IL1RAPL1: variants seen among roughly 807,000 people sequenced by gnomAD.
The protein encoded by IL1RAPL1 is interleukin-1 receptor accessory protein-like 1.
In IL1RAPL1, 3 loss-of-function variants were observed where a neutral mutation model predicts 48.4. That is an observed-to-expected ratio of 0.06 (90% CI 0.03 to 0.16). The LOEUF is 0.16. Among genes scored for constraint, IL1RAPL1 ranks in the 10% least tolerant of loss-of-function variants. The pLI, the probability that IL1RAPL1 is intolerant of heterozygous loss-of-function variation, is 1.00. For synonymous variants in IL1RAPL1, 185 were observed against 187.7 expected, an observed-to-expected ratio of 0.99 and a Z score of 0.12; for missense variants, 349 against 530.6, an observed-to-expected ratio of 0.66 and a Z score of 3.36.
intron 1 of IL1RAPL1, among the ~76,000 whole-genome samples, chrX:28,720,469 T>A (rs2146939449): frequency 8.9e-6 from 1 of 112,327 alleles, no homozygotes; most frequent in South Asian, 3.7e-4. Context: ...CATGGTATTT[T>A]TCCCTCTACT....
At chrX:28,611,360 T>C (rs1934145296) in intron 1 of IL1RAPL1, among the ~76,000 whole-genome samples, 1 of 111,278 alleles carries the variant, frequency 9.0e-6, no homozygotes, top group Non-Finnish European at 1.9e-5. Context: ...GTTTGTTAGG[T>C]GCTGGAGGTA....
chrX:29,329,285 A>G (rs1400134646), intron 3 of IL1RAPL1, among the ~76,000 whole-genome samples: 4 of 111,666 alleles, frequency 3.6e-5, no homozygotes, highest in African/African-American at 1.3e-4. Flanking sequence ...AATAGTTCAT[A>G]TACTTACAAA....
At chrX:28,886,819 C>T (rs915466670) in intron 2 of IL1RAPL1, among the ~76,000 whole-genome samples, 1 of 110,419 alleles carries the variant, frequency 9.1e-6, no homozygotes, top group Non-Finnish European at 1.9e-5. Context: ...ACTTCAGTCT[C>T]CACATAAATG....
intron 6 of IL1RAPL1, among the ~76,000 whole-genome samples, chrX:29,770,506 C>G (rs773674919): frequency 9.8e-5 from 11 of 111,957 alleles, no homozygotes; most frequent in Non-Finnish European, 1.7e-4. Flanking sequence ...GTGCCAGACA[C>G]AATCATAAGC....
chrX:29,498,663 C>T (rs1935240713), intron 5 of IL1RAPL1, among the ~76,000 whole-genome samples: 2 of 110,867 alleles, frequency 1.8e-5, no homozygotes, highest in East Asian at 2.8e-4. Context: ...TAGGTGCACA[C>T]AAATATTGAA....
rs910677580 is a variant in IL1RAPL1 at position 29,338,639 on chromosome X, C to T, written c.362+55422C>T. ...CATTGTCCTCAGATAAAGTTGAATC[C>T]GGGAGCTCAGTTGATATTATTAGTA... On this transcript the variant is annotated intron_variant, in intron 3 of 10. Coordinates refer to ENST00000378993, the MANE Select transcript of IL1RAPL1 (RefSeq NM_014271.4). Among the ~76,000 whole-genome samples, 10 of 111,200 alleles carry T rather than the reference C, an allele frequency of 9.0e-5. No homozygotes were observed. The East Asian group carries it at 1.1e-3, about 13-fold the overall frequency.
chrX:29,793,454 G>A (rs1929677472), intron 6 of IL1RAPL1, among the ~76,000 whole-genome samples: 1 of 111,925 alleles, frequency 8.9e-6, no homozygotes, highest in Non-Finnish European at 1.9e-5. Context: ...TGGCTATTCT[G>A]TTTTTTAAGT....
At chrX:28,949,930 G>A (rs1232101236) in intron 2 of IL1RAPL1, among the ~76,000 whole-genome samples, 1 of 110,268 alleles carries the variant, frequency 9.1e-6, no homozygotes, top group African/African-American at 3.3e-5. Context: ...CTGTGCAGAA[G>A]CTCTTTAGTT....
chrX:29,942,769 G>A (rs1022067400), intron 9 of IL1RAPL1, among the ~76,000 whole-genome samples: 6 of 109,604 alleles, frequency 5.5e-5, no homozygotes, highest in South Asian at 8.0e-4. Flanking sequence ...ACAGGCGCCC[G>A]TCATCACACC....
intron 3 of IL1RAPL1, among the ~76,000 whole-genome samples, chrX:29,309,706 GGGA>G (rs2147617526): frequency 9.1e-6 from 1 of 109,785 alleles, no homozygotes. Context: ...CCGGCCACTC[GGGA>G]GGCTTAGGCA....
chrX:29,470,636 T>A (rs900560109), intron 5 of IL1RAPL1, among the ~76,000 whole-genome samples: 1 of 111,372 alleles, frequency 9.0e-6, no homozygotes, highest in African/African-American at 3.3e-5. Context: ...AAGTTTATTT[T>A]ATTTAATTTA....
rs1923673314 is a variant in IL1RAPL1, at chrX:28,923,834, T to C, written c.82+134409T>C. On this transcript the variant is annotated intron_variant, in intron 2 of 10. Transcript: ENST00000378993. ...TAATATTAAAATACTGGAAGTACTC[T>C]TGCTTCATCAAAGTTACTTTCAAAA... Among the ~76,000 whole-genome samples the C allele has an allele frequency of 1.2e-4, 13 of 111,877 alleles. No homozygotes were observed. The South Asian group carries it at 4.7e-3, about 41-fold the overall frequency.
At chrX:29,701,261 T>C (rs141014350) in intron 6 of IL1RAPL1, among the ~76,000 whole-genome samples, 1 of 112,051 alleles carries the variant, frequency 8.9e-6, no homozygotes, top group Non-Finnish European at 1.9e-5. Flanking sequence ...ATTACTTTAA[T>C]ACCTTGATGT....
At chrX:28,940,467 G>A (rs66883571) in intron 2 of IL1RAPL1, among the ~76,000 whole-genome samples, 5 of 110,422 alleles carry the variant, frequency 4.5e-5, no homozygotes, top group Admixed American at 1.9e-4. Context: ...TTTCAGAAGC[G>A]TTCCTTTGCT....
intron 2 of IL1RAPL1, among the ~76,000 whole-genome samples, chrX:28,841,497 C>A (rs947786698): frequency 2.7e-5 from 3 of 110,826 alleles, no homozygotes; most frequent in Admixed American, 1.9e-4. Flanking sequence ...ACTAAGAATA[C>A]ATTGCCTAAA....
At chrX:28,906,852 A>C (rs1026603475) in intron 2 of IL1RAPL1, among the ~76,000 whole-genome samples, 1 of 112,135 alleles carries the variant, frequency 8.9e-6, no homozygotes, top group African/African-American at 3.2e-5. Flanking sequence ...ATATCCAGCC[A>C]AAGTTAGATT....
intron 6 of IL1RAPL1, among the ~76,000 whole-genome samples, chrX:29,766,342 A>AATATATAT (rs1555918100): frequency 2.1e-5 from 1 of 47,542 alleles, no homozygotes; most frequent in Non-Finnish European, 3.7e-5. Flanking sequence ...AAAAAAAAAA[A>AATATATAT]ATATATATAT....
intron 6 of IL1RAPL1, among the ~76,000 whole-genome samples, chrX:29,689,310 A>C (rs1926715208): frequency 1.8e-5 from 2 of 112,036 alleles, no homozygotes; most frequent in Non-Finnish European, 3.8e-5. Flanking sequence ...AACCTTCATC[A>C]GCAGAGTCAG....
intron 8 of IL1RAPL1, among the ~76,000 whole-genome samples, chrX:29,936,518 AACACAC>A (rs55890071): frequency 0.022 from 2,077 of 93,352 alleles, 57 homozygotes; most frequent in African/African-American, 0.07. Context: ...TATATATAGG[AACACAC>A]ACACACACAC....
Sources: allele counts gnomAD v4.1 joint callset (sites outside exome capture counted in the v4.1 genomes callset), GRCh38; gene constraint gnomAD v4.1.1; transcripts MANE v1.5; gene names NCBI Gene and HGNC (gene_info 2026-07-23, HGNC 2026-07-21).